Variants in CTNNA3 observed in about 807,000 individuals in gnomAD.
CTNNA3 encodes catenin alpha-3.
A neutral mutation model predicts 95.7 loss-of-function variants in CTNNA3; 76 were observed. That is an observed-to-expected ratio of 0.79 (90% CI 0.66 to 0.96). The LOEUF is 0.96. CTNNA3 is among the 40% of genes least tolerant of loss of function. The probability of loss-of-function intolerance (pLI) is 0.00; values close to 1 mark genes in which losing one functional copy is unlikely to be tolerated. For synonymous variants in CTNNA3, 431 were observed against 374.4 expected (o/e 1.15, Z -1.74); for missense variants, 1,191 against 1,089.8 (o/e 1.09, Z -1.31).
At chr10:66,667,190 A>ATTTT (rs10639825) in intron 9 of CTNNA3, among the ~76,000 whole-genome samples, 1 of 150,632 alleles carries the variant, frequency 6.6e-6, no homozygotes, top group Non-Finnish European at 1.5e-5. Flanking sequence ...AAGAGTAGTA[A>ATTTT]TTTTTTTTTT....
Position 66,725,180 on chromosome 10 carries a change from TA to T in CTNNA3, c.1281+41083del, listed in dbSNP as rs138064722. Among the ~76,000 whole-genome samples the T allele has an allele frequency of 4.0e-3, 611 of 152,248 alleles. 3 individuals carry two copies. The highest frequency in any genetic ancestry group is 0.014 in the African/African-American group (598 of 41,564). ...ACATGTTCAGTACACACACAACTACTATAGACCTAACCACATTTTTCATCTG... is the reference window on the plus strand; with the variant it reads ...ACATGTTCAGTACACACACAACTACTTAGACCTAACCACATTTTTCATCTG... On this transcript the variant is annotated intron_variant, in intron 9 of 17. Coordinates refer to ENST00000433211, the MANE Select transcript of CTNNA3 (RefSeq NM_013266.4).
chr10:66,809,146 T>C (rs1841776516), intron 7 of CTNNA3, among the ~76,000 whole-genome samples: 1 of 152,164 alleles, frequency 6.6e-6, no homozygotes, highest in Non-Finnish European at 1.5e-5. Context: ...AAACACTTGT[T>C]CTCTATATGA....
chr10:67,009,973 T>C (rs1021282761), intron 7 of CTNNA3, among the ~76,000 whole-genome samples: 4 of 152,204 alleles, frequency 2.6e-5, no homozygotes, highest in Non-Finnish European at 4.4e-5. Context: ...CATTCTAGTA[T>C]AGATTCTTCT....
intron 11 of CTNNA3, among the ~76,000 whole-genome samples, chr10:66,392,900 T>A (rs1429763998): frequency 1.3e-5 from 2 of 152,004 alleles, no homozygotes; most frequent in South Asian, 2.1e-4. Flanking sequence ...ACCTTGGTAT[T>A]TACCCAGATA....
At chr10:66,444,797 A>G (rs764455240) in intron 11 of CTNNA3, among the ~76,000 whole-genome samples, 34 of 152,328 alleles carry the variant, frequency 2.2e-4, no homozygotes, top group Non-Finnish European at 4.1e-4. Flanking sequence ...TAACATCATA[A>G]TGAACAGGAC....
At chr10:66,794,142 G>A (rs1394456481) in intron 7 of CTNNA3, among the ~76,000 whole-genome samples, 11 of 151,258 alleles carry the variant, frequency 7.3e-5, no homozygotes, top group Admixed American at 4.6e-4. Flanking sequence ...AGACACAGAG[G>A]CAACATGAAA....
chr10:66,155,263 G>T (rs2084430923), intron 13 of CTNNA3, among the ~76,000 whole-genome samples: 1 of 151,702 alleles, frequency 6.6e-6, no homozygotes, highest in African/African-American at 2.4e-5. Context: ...CCTAGGTATT[G>T]ATATGAGAAC....
intron 7 of CTNNA3, among the ~76,000 whole-genome samples, chr10:66,790,541 T>C (rs1284655005): frequency 6.6e-6 from 1 of 152,178 alleles, no homozygotes; most frequent in Non-Finnish European, 1.5e-5. Flanking sequence ...AGAGTATCAA[T>C]AATATAAACA....
chr10:66,087,893 TTAG>T (rs1471926805), intron 14 of CTNNA3, among the ~76,000 whole-genome samples: 1 of 152,120 alleles, frequency 6.6e-6, no homozygotes, highest in East Asian at 1.9e-4. Flanking sequence ...GAGACAAGAA[TTAG>T]TAGCCTCTAT....
chr10:66,746,613 G>A (rs1003038222), intron 9 of CTNNA3, among the ~76,000 whole-genome samples: 1 of 151,946 alleles, frequency 6.6e-6, no homozygotes, highest in African/African-American at 2.4e-5. Flanking sequence ...TCCCCATTCT[G>A]CATTTGAGGA....
intron 5 of CTNNA3, among the ~76,000 whole-genome samples, chr10:67,490,245 C>T (rs1169292831): frequency 6.6e-6 from 1 of 152,116 alleles, no homozygotes; most frequent in Admixed American, 6.5e-5. Context: ...GGAAACATCT[C>T]AAGTTATTTG....
chr10:66,685,815 C>T (rs946756727), intron 9 of CTNNA3, among the ~76,000 whole-genome samples: 3 of 152,148 alleles, frequency 2.0e-5, no homozygotes, highest in Non-Finnish European at 2.9e-5. Flanking sequence ...CTAGAAGCCA[C>T]GACACTTAGG....
chr10:66,047,722 T>C (rs532973786), intron 15 of CTNNA3, among the ~76,000 whole-genome samples: 34 of 152,246 alleles, frequency 2.2e-4, no homozygotes, highest in African/African-American at 8.2e-4. Context: ...ATTCTATATC[T>C]AGAAAACCCC....
Position 67,601,306 on chromosome 10 carries a change from G to C in CTNNA3, c.292+5551C>G, listed in dbSNP as rs572361471. 5.8e-4 allele frequency among the ~76,000 whole-genome samples: 89 copies of C among 152,264 alleles called. 2 individuals are homozygous for C. In the South Asian group the frequency reaches 0.018, roughly 31 times the overall value. On this transcript the variant is annotated intron_variant, in intron 3 of 17. Coordinates refer to ENST00000433211, the MANE Select transcript of CTNNA3 (RefSeq NM_013266.4). ...GATGGGGGGAATGGGGATGGTTTCA[G>C]GATGAAACCATTCCACTTCAAATCA... is the stretch of plus-strand genomic sequence containing the variant.
chr10:66,347,412 A>C (rs934888573), intron 12 of CTNNA3, among the ~76,000 whole-genome samples: 3 of 151,958 alleles, frequency 2.0e-5, no homozygotes, highest in Admixed American at 1.3e-4. Context: ...GGAGTTCAAG[A>C]CCAGCTGGGG....
intron 8 of CTNNA3, among the ~76,000 whole-genome samples, chr10:66,768,851 C>G (rs1839970976): frequency 6.6e-6 from 1 of 151,842 alleles, no homozygotes; most frequent in South Asian, 2.1e-4. Flanking sequence ...AGACTTGTCC[C>G]TTGGGCTTGA....
At chr10:66,742,799 T>C (rs1849371879) in intron 9 of CTNNA3, among the ~76,000 whole-genome samples, 1 of 152,224 alleles carries the variant, frequency 6.6e-6, no homozygotes, top group South Asian at 2.1e-4. Flanking sequence ...TCTGGTGTTC[T>C]CAATTTCTGT....
chr10:66,978,063 T>C (rs147064783), intron 7 of CTNNA3, among the ~76,000 whole-genome samples: 3 of 97,380 alleles, frequency 3.1e-5, no homozygotes, highest in African/African-American at 1.9e-4. Context: ...CATATATATA[T>C]ATATACACAC....
At chr10:67,569,901 G>T (rs989873680) in intron 3 of CTNNA3, among the ~76,000 whole-genome samples, 1 of 152,046 alleles carries the variant, frequency 6.6e-6, no homozygotes, top group African/African-American at 2.4e-5. Flanking sequence ...CTTCTCGAGA[G>T]ACTTTTATTC....
Sources: allele counts gnomAD v4.1 joint callset (sites outside exome capture counted in the v4.1 genomes callset), GRCh38; gene constraint gnomAD v4.1.1; transcripts MANE v1.5; gene names NCBI Gene and HGNC (gene_info 2026-07-23, HGNC 2026-07-21).